Variants in SHOX observed in about 807,000 individuals in gnomAD.
SHOX encodes the protein SHOX homeobox.
A neutral mutation model predicts 29.6 loss-of-function variants in SHOX; 12 were observed. That is an observed-to-expected ratio of 0.41 (90% CI 0.26 to 0.66). The LOEUF (loss-of-function observed/expected upper bound fraction) is 0.66, where lower values mean the gene tolerates loss of function less well. SHOX is among the 30% of genes least tolerant of loss of function. The probability of loss-of-function intolerance (pLI) is 0.35; values close to 1 mark genes in which losing one functional copy is unlikely to be tolerated. For synonymous variants in SHOX, 214 were observed against 200.6 expected (o/e 1.07, Z -0.57); for missense variants, 499 against 437.7 (o/e 1.14, Z -1.25).
intron 2 of SHOX, 156 bp downstream of exon 2, chrX:634,982 T>C (rs1457894731): frequency 7.7e-6 from 2 of 260,412 alleles, no homozygotes; most frequent in Admixed American, 6.5e-5. Flanking sequence ...TCCTGGACTT[T>C]TGGAGACGCC....
chrX:626,994 CCT>C (rs1328343399), upstream of SHOX, among the ~76,000 whole-genome samples: 1 of 151,252 alleles, frequency 6.6e-6, no homozygotes, highest in African/African-American at 2.4e-5. Flanking sequence ...CTCTCTCTCT[CCT>C]CTCTCTCTGT....
Position 638,891 on chromosome X carries a change from G to A in SHOX, c.487-1930G>A, listed in dbSNP as rs576874457. On this transcript the variant is annotated intron_variant, in intron 2 of 4. Coordinates refer to ENST00000686671, the MANE Select transcript of SHOX (RefSeq NM_000451.4). Reference sequence around the variant, plus strand: ...TTCTCTGGACGAATCATTTCTCTTGGGTGGTGACTGCCTTGTGGGTCAAGG... The same window carrying A: ...TTCTCTGGACGAATCATTTCTCTTGAGTGGTGACTGCCTTGTGGGTCAAGG... Among the ~76,000 whole-genome samples the A allele has an allele frequency of 2.8e-3, 434 of 152,306 alleles. No homozygotes were observed. In the Middle Eastern group the frequency reaches 0.037, roughly 13 times the overall value.
intron 1 of SHOX, among the ~76,000 whole-genome samples, chrX:625,706 T>C (rs2052516410): frequency 2.6e-5 from 1 of 38,900 alleles, no homozygotes; most frequent in East Asian, 3.6e-4. Context: ...TGTCTCTCTT[T>C]CTATCTCTGT....
At chrX:630,544 C>T (rs974174386), upstream of SHOX, 29 of 433,494 alleles carry the variant, frequency 6.7e-5, no homozygotes, top group Non-Finnish European at 1.1e-4. Flanking sequence ...GCCTGCGCCC[C>T]CCTCCTGCGC....
intron 1 of SHOX, among the ~76,000 whole-genome samples, chrX:624,853 C>G (rs778594712): frequency 3.3e-4 from 27 of 81,158 alleles, no homozygotes; most frequent in African/African-American, 1.3e-3. Flanking sequence ...CTCTCTTCCT[C>G]TTTCTTTCTT....
rs1345349828 is a variant in SHOX at position 631,253 on chromosome X, G to A, written c.277+79G>A. ...CCTCGCCACGGAGTCGGCCCCGCGC[G>A]CCCCTCGCTGTGCACATTTGCAGCT... On this transcript the variant is annotated intron_variant, in intron 1 of 4. Transcript: ENST00000686671. 24 of 1,542,758 alleles carry A rather than the reference G, an allele frequency of 1.6e-5. No homozygotes were observed. The South Asian group carries it at 1.6e-4, about 10-fold the overall frequency.
chrX:651,363 T>C lies in SHOX; in HGVS notation c.*6727T>C. 8 of 455,348 alleles carry C rather than the reference T, an allele frequency of 1.8e-5. No individual in the cohort carries two copies. The highest frequency in any genetic ancestry group is 1.2e-4 in the South Asian group (8 of 64,502). 28.2% of individuals were successfully genotyped at this position (455,348 alleles called of 1,614,324 possible). On this transcript the variant is annotated 3_prime_UTR_variant, in exon 5 of 5. Transcript: ENST00000686671. Reference sequence around the variant, plus strand: ...CAGTCTTCACATTTCTATCCCTCTGTTATTGTCGGCAGGCGGTGAGGGGTA... The same window carrying C: ...CAGTCTTCACATTTCTATCCCTCTGCTATTGTCGGCAGGCGGTGAGGGGTA...
rs1307549230 is a variant in SHOX at position 645,551 on chromosome X, G to C, written c.*915G>C. ...GAAGTGCAATATTATAAATATTATA[G>C]ATTAAAAAAAAAATAGCCGTGCACT... On this transcript the variant is annotated 3_prime_UTR_variant, in exon 5 of 5. Transcript: ENST00000686671. 1 of 150,134 alleles carries C rather than the reference G, an allele frequency of 6.7e-6. No individual in the cohort carries two copies. Among genetic ancestry groups the C allele is most frequent in the Admixed American group, 6.6e-5 (1 of 15,156 alleles). The allele number at this position is 150,134 out of a possible 1,614,324, so 9.3% of individuals were successfully genotyped here.
intron 4 of SHOX, among the ~76,000 whole-genome samples, chrX:642,984 G>A (rs2052884397): frequency 6.7e-6 from 1 of 148,586 alleles, no homozygotes; most frequent in Non-Finnish European, 1.5e-5. Flanking sequence ...GGGACCTGGT[G>A]TTCTGGGAGA....
At chrX:625,590 TTC>T (rs921171707) in intron 1 of SHOX, among the ~76,000 whole-genome samples, 6 of 150,284 alleles carry the variant, frequency 4.0e-5, no homozygotes, top group Non-Finnish European at 8.9e-5. Flanking sequence ...CTGTCTCTCT[TTC>T]TCTCTCTCCT....
intron 2 of SHOX, 110 bp from the exon 3 acceptor site, chrX:640,710 CA>C (rs1470474969): frequency 7.4e-6 from 9 of 1,223,154 alleles, no homozygotes; most frequent in Non-Finnish European, 1.1e-5. Context: ...AGTCACCTCC[CA>C]GCTCCCAGAG....
At chrX:637,304 C>T (rs1337266504) in intron 2 of SHOX, among the ~76,000 whole-genome samples, 4 of 151,988 alleles carry the variant, frequency 2.6e-5, no homozygotes, top group Non-Finnish European at 5.9e-5. Context: ...GTTTATGTGT[C>T]ATCTCCTGGT....
chrX:652,145 G>A (rs1220882839), downstream of SHOX, among the ~76,000 whole-genome samples: 1 of 151,992 alleles, frequency 6.6e-6, no homozygotes, highest in East Asian at 1.9e-4. Context: ...GGCTGGTCTC[G>A]AACTCCTGAC....
At chrX:626,978 CTG>C (rs1797847953), upstream of SHOX, among the ~76,000 whole-genome samples, 1 of 151,696 alleles carries the variant, frequency 6.6e-6, no homozygotes, top group Admixed American at 6.6e-5. Flanking sequence ...CTGTCTACCT[CTG>C]TCTCTCTCTC....
rs145776742 is a variant in SHOX, at chrX:645,620, C to A, written c.*984C>A. On this transcript the variant is annotated 3_prime_UTR_variant, in exon 5 of 5. Transcript: ENST00000686671. ...CAACGTGGAAAAGGCGTTACCTCTT[C>A]TCCCAGCGCTGGCCGCCTGGCCACT... 6.6e-6 allele frequency: 1 copy of A among 151,914 alleles called. No individual in the cohort carries two copies. Among genetic ancestry groups the A allele is most frequent in the African/African-American group, 2.4e-5 (1 of 41,346 alleles). 9.4% of individuals were successfully genotyped at this position (151,914 alleles called of 1,614,324 possible).
chrX:648,486 C>G lies in SHOX; in HGVS notation c.*3850C>G, dbSNP rs191797223. Reference sequence around the variant, plus strand: ...AGGTTGACCTGCCCGCTTTGTCCCTCGCAAAGTGCTGGGATTACAGGCGTG... The same window carrying G: ...AGGTTGACCTGCCCGCTTTGTCCCTGGCAAAGTGCTGGGATTACAGGCGTG... On this transcript the variant is annotated 3_prime_UTR_variant, in exon 5 of 5. Transcript: ENST00000686671. Among the ~76,000 whole-genome samples, 3 of 152,348 alleles carry G rather than the reference C, an allele frequency of 2.0e-5. No homozygotes were observed. Among genetic ancestry groups the G allele is most frequent in the Admixed American group, 6.5e-5 (1 of 15,296 alleles).
In SHOX at chrX:630,876, C is replaced by T; in HGVS notation, c.-22C>T. 2 of 1,612,316 alleles carry T rather than the reference C, an allele frequency of 1.2e-6. No homozygotes were observed. Among genetic ancestry groups the T allele is most frequent in the Non-Finnish European group, 8.5e-7 (1 of 1,179,712 alleles). ...CGCGCGCATCCACCAGCCCCGGCTG[C>T]TCGCCAGCCCCGGCCCCAGCCATGG... On this transcript the variant is annotated 5_prime_UTR_variant, in exon 1 of 5. Coordinates refer to ENST00000686671, the MANE Select transcript of SHOX (RefSeq NM_000451.4).
intron 4 of SHOX, among the ~76,000 whole-genome samples, chrX:644,155 TGCAGGGAGCTGTTC>T (rs1357237270): frequency 2.0e-5 from 3 of 152,138 alleles, no homozygotes; most frequent in Non-Finnish European, 4.4e-5. Flanking sequence ...CCATGCGCTT[TGCAGGGAGCTGTTC>T]GGATTCCCCT....
chrX:635,588 G>T (rs1339770200), intron 2 of SHOX, among the ~76,000 whole-genome samples: 3 of 152,216 alleles, frequency 2.0e-5, no homozygotes, highest in East Asian at 1.9e-4. Flanking sequence ...GGGCACGGGG[G>T]CTCCCCGAGG....
Sources: allele counts gnomAD v4.1 joint callset (sites outside exome capture counted in the v4.1 genomes callset), GRCh38; gene constraint gnomAD v4.1.1; transcripts MANE v1.5; gene names NCBI Gene and HGNC (gene_info 2026-07-23, HGNC 2026-07-21).